RASGEF1A: variants seen among roughly 807,000 people sequenced by gnomAD.
RASGEF1A encodes the protein RasGEF domain family member 1A, also known as ras-GEF domain-containing family member 1A.
A neutral mutation model predicts 56.4 loss-of-function variants in RASGEF1A; 18 were observed. That is an observed-to-expected ratio of 0.32 (90% CI 0.22 to 0.47). The LOEUF (loss-of-function observed/expected upper bound fraction) is 0.47, where lower values mean the gene tolerates loss of function less well. Among genes scored for constraint, RASGEF1A ranks in the 20% least tolerant of loss-of-function variants. The pLI, the probability that RASGEF1A is intolerant of heterozygous loss-of-function variation, is 1.00. For synonymous variants in RASGEF1A, 245 were observed against 242.6 expected (o/e 1.01, Z -0.09); for missense variants, 422 against 627.1 (o/e 0.67, Z 3.49).
At chr10:43,209,327 T>C in intron 1 of RASGEF1A, 1 of 587,270 alleles carries the variant, frequency 1.7e-6, no homozygotes, top group Non-Finnish European at 2.1e-6. Context: ...CTGCCCCAGG[T>C]CACAGCCAGA....
In RASGEF1A at chr10:43,201,886, G is replaced by A. The variant is rs1296231966; in HGVS notation, c.381C>T (p.Ala127=). The part of the protein sequence containing the change: ...IVQLLKEWTE[A]FPYDFQDEKA... ...TCTCATCCTGGAAGTCATAGGGGAA[G>A]GCCTCGGTCCACTCCTTCAGGAGCT... Residue 127 remains alanine (A), a synonymous_variant, in exon 4 of 13, where the codon GCC becomes GCT. Coordinates refer to ENST00000395810, the MANE Select transcript of RASGEF1A (RefSeq NM_145313.4). 11 of 1,612,278 alleles carry A rather than the reference G, an allele frequency of 6.8e-6. No homozygotes were observed. The highest frequency in any genetic ancestry group is 9.3e-6 in the Non-Finnish European group (11 of 1,179,026).
chr10:43,212,491 A>T (rs1283007677), intron 1 of RASGEF1A, among the ~76,000 whole-genome samples: 1 of 152,110 alleles, frequency 6.6e-6, no homozygotes, highest in East Asian at 1.9e-4. Context: ...CTGCATCCAC[A>T]TGTGGGCCAG....
chr10:43,220,655 C>T (rs1840195422), intron 1 of RASGEF1A, among the ~76,000 whole-genome samples: 1 of 151,972 alleles, frequency 6.6e-6, no homozygotes, highest in Non-Finnish European at 1.5e-5. Context: ...CACGGTGGTG[C>T]ACACCTGTAA....
intron 1 of RASGEF1A, among the ~76,000 whole-genome samples, chr10:43,244,967 A>G (rs1840553850): frequency 6.6e-6 from 1 of 152,132 alleles, no homozygotes; most frequent in South Asian, 2.1e-4. Context: ...ACTAGAGTGA[A>G]AGTAAATGAA....
chr10:43,262,303 T>C (rs1416160234), intron 1 of RASGEF1A, among the ~76,000 whole-genome samples: 1 of 152,138 alleles, frequency 6.6e-6, no homozygotes, highest in Non-Finnish European at 1.5e-5. Flanking sequence ...CAGGGAGAAC[T>C]CTCTCTTCAA....
chr10:43,258,119 C>T (rs1202988761), intron 1 of RASGEF1A, among the ~76,000 whole-genome samples: 4 of 152,236 alleles, frequency 2.6e-5, no homozygotes, highest in African/African-American at 7.2e-5. Flanking sequence ...CTCACAGCTT[C>T]GGGGAGGGGT....
At chr10:43,210,126 G>A (rs147386300) in intron 1 of RASGEF1A, among the ~76,000 whole-genome samples, 275 of 152,258 alleles carry the variant, frequency 1.8e-3, no homozygotes, top group Non-Finnish European at 3.4e-3. Flanking sequence ...TGGAAGGCCC[G>A]GGAAGCCCAC....
chr10:43,222,229 G>A (rs1295742351), intron 1 of RASGEF1A, among the ~76,000 whole-genome samples: 2 of 152,168 alleles, frequency 1.3e-5, no homozygotes, highest in Non-Finnish European at 2.9e-5. Flanking sequence ...TGAATCTCAG[G>A]GGACCACTAT....
At chr10:43,208,460 G>C in intron 1 of RASGEF1A, 1 of 985,690 alleles carries the variant, frequency 1.0e-6, no homozygotes, top group Non-Finnish European at 1.2e-6. Context: ...CTGGTCAGCA[G>C]CCAGAGAGGG....
At chr10:43,206,770 A>C (rs964169911) in intron 1 of RASGEF1A, 2 of 986,032 alleles carry the variant, frequency 2.0e-6, no homozygotes, top group African/African-American at 3.5e-5. Flanking sequence ...GAGCAGGGCC[A>C]CTCCACATGG....
At chr10:43,244,297 C>T (rs1006166588) in intron 1 of RASGEF1A, among the ~76,000 whole-genome samples, 6 of 151,406 alleles carry the variant, frequency 4.0e-5, no homozygotes, top group African/African-American at 7.3e-5. Context: ...CCTTTGTTCT[C>T]GTGTTTATCT....
chr10:43,217,962 G>C (rs1467049629), intron 1 of RASGEF1A, among the ~76,000 whole-genome samples: 3 of 152,140 alleles, frequency 2.0e-5, no homozygotes, highest in Non-Finnish European at 4.4e-5. Flanking sequence ...ATGGGCAGGG[G>C]GCAGCTGCAG....
chr10:43,198,802 CA>C, intron 9 of RASGEF1A, 130 bp downstream of exon 9: 1 of 828,570 alleles, frequency 1.2e-6, no homozygotes, highest in Non-Finnish European at 2.0e-6. Context: ...CAGGCCAGCT[CA>C]GCCAGCACTG....
Position 43,196,298 on chromosome 10 carries a change from G to C in RASGEF1A, c.1422-30C>G. 1 of 1,612,344 alleles carries C rather than the reference G, an allele frequency of 6.2e-7. No individual in the cohort carries two copies. Among genetic ancestry groups the C allele is most frequent in the Non-Finnish European group, 8.5e-7 (1 of 1,178,854 alleles). ...AGGGGGACAGGACAAGCAGTGCTCAGGCCCGAGCAGGGCGGCTTGGGTCCA... is the reference window on the plus strand; with the variant it reads ...AGGGGGACAGGACAAGCAGTGCTCACGCCCGAGCAGGGCGGCTTGGGTCCA... On this transcript the variant is annotated intron_variant, in intron 12 of 12. Coordinates refer to ENST00000395810, the MANE Select transcript of RASGEF1A (RefSeq NM_145313.4). The surrounding 1 kb of genome is among the most constrained non-coding windows in gnomAD (Gnocchi z 4.6).
rs770154860 is a variant in RASGEF1A, at chr10:43,206,057, C to T, written c.60G>A (p.Val20=). 4 of 1,607,654 alleles carry T rather than the reference C, an allele frequency of 2.5e-6. No homozygotes were observed. The highest frequency in any genetic ancestry group is 1.3e-5 in the African/African-American group (1 of 74,902). ...SILGPSCSGQ[V]QPGMGERGGG... is the part of the protein sequence containing the mutation. ...CTCCACGCTCCCCCATGCCAGGCTG[C>T]ACCTGTCCGCTACAGCTGGGCCCAA... Residue 20 remains valine, a synonymous_variant, in exon 2 of 13, where the codon GTG becomes GTA. Transcript: ENST00000395810.
intron 1 of RASGEF1A, among the ~76,000 whole-genome samples, chr10:43,214,666 G>C (rs988627480): frequency 6.6e-6 from 1 of 152,226 alleles, no homozygotes; most frequent in South Asian, 2.1e-4. Flanking sequence ...CCAAAGGGAA[G>C]AGCAGTATAA....
chr10:43,233,845 A>G (rs1326566867), intron 1 of RASGEF1A, among the ~76,000 whole-genome samples: 1 of 152,214 alleles, frequency 6.6e-6, no homozygotes, highest in East Asian at 1.9e-4. Context: ...AGGGCTTCGA[A>G]CTGAAAATGA....
rs1021380293 is a variant in RASGEF1A, at chr10:43,201,923, G to C, written c.344C>G (p.Ala115Gly). The C allele has an allele frequency of 3.1e-6, 5 of 1,609,304 alleles. No homozygotes were observed. Among genetic ancestry groups the C allele is most frequent in the Non-Finnish European group, 4.2e-6 (5 of 1,177,032 alleles). The change falls in exon 4 of 13, where the codon GCC (alanine) becomes GGC (glycine). Residue 115 changes from alanine to glycine, a missense_variant. Physicochemically the swap from Ala to Gly is moderately conservative, Grantham distance 60 (BLOSUM62 0). Around this residue, in one of 2 missense-constraint regions of RASGEF1A, gnomAD observed 273 missense variants for 339.9 expected, o/e 0.80. Transcript: ENST00000395810. Reference protein sequence around the residue: ...PEKAKLKSFSAKIVQLLKEWT... With the variant: ...PEKAKLKSFSGKIVQLLKEWT... ...CTCCTTCAGGAGCTGCACGATCTTGGCTGAGAAAGACTTCAGCTTGGCCTG... is the reference window on the plus strand; with the variant it reads ...CTCCTTCAGGAGCTGCACGATCTTGCCTGAGAAAGACTTCAGCTTGGCCTG...
At chr10:43,240,438 T>C (rs1385835723) in intron 1 of RASGEF1A, among the ~76,000 whole-genome samples, 3 of 152,182 alleles carry the variant, frequency 2.0e-5, no homozygotes, top group Non-Finnish European at 2.9e-5. Context: ...AGTATATTTT[T>C]TAAAGACTGA....
Sources: gnomAD v4.1 joint callset for allele counts (sites outside exome capture counted in the v4.1 genomes callset) on GRCh38, gnomAD v4.1.1 for gene constraint, gnomAD v4.1.1 regional missense constraint, Gnocchi (gnomAD v3.1) non-coding constraint, MANE v1.5 for transcripts, NCBI Gene and HGNC (gene_info 2026-07-23, HGNC 2026-07-21) for gene names.